LRRTM4: variants seen among roughly 807,000 people sequenced by gnomAD.
The protein encoded by LRRTM4 is leucine-rich repeat transmembrane neuronal protein 4.
In LRRTM4, 25 loss-of-function variants were observed where a neutral mutation model predicts 47.6. The observed-to-expected ratio is 0.53, with a 90% CI of 0.38 to 0.73. The LOEUF is 0.73. Ranked by LOEUF, LRRTM4 falls within the 30% of genes least tolerant of loss-of-function variation. The pLI is 0.00. For synonymous variants in LRRTM4, 311 were observed against 269.5 expected (o/e 1.15, Z -1.51); for missense variants, 638 against 713.4 (o/e 0.89, Z 1.20).
chr2:76,796,808 G>C (rs1675353732), intron 3 of LRRTM4, among the ~76,000 whole-genome samples: 1 of 151,980 alleles, frequency 6.6e-6, no homozygotes, highest in Admixed American at 6.5e-5. Context: ...GAATGACTTT[G>C]ACAAGCTGAG....
intron 3 of LRRTM4, among the ~76,000 whole-genome samples, chr2:77,502,340 A>G (rs1478185231): frequency 6.6e-6 from 1 of 151,428 alleles, no homozygotes; most frequent in Non-Finnish European, 1.5e-5. Flanking sequence ...TAAACATGTA[A>G]TAAAATGGCA....
At position 76,955,339 on chromosome 2, in the gene LRRTM4, G is replaced by C. The variant is rs188121881; in HGVS notation, c.1552-206423C>G. Among the ~76,000 whole-genome samples the C allele has an allele frequency of 2.2e-3, 333 of 151,840 alleles. 7 individuals carry two copies. The highest frequency in any genetic ancestry group is 7.8e-3 in the African/African-American group (323 of 41,506). On this transcript the variant is annotated intron_variant, in intron 3 of 3. Transcript: ENST00000409884. ...ACATCAATGTAAAAAAGTCCGTTGG[G>C]AGAAAAAAAGTGTAGTGTTTTTGTA...
chr2:77,131,002 T>G lies in LRRTM4; in HGVS notation c.1552-382086A>C, dbSNP rs1305590445. Among the ~76,000 whole-genome samples the G allele has an allele frequency of 2.1e-3, 303 of 145,918 alleles. 3 individuals are homozygous for G. Among genetic ancestry groups the G allele is most frequent in the African/African-American group, 7.4e-3 (291 of 39,420 alleles). On this transcript the variant is annotated intron_variant, in intron 3 of 3. Transcript: ENST00000409884. ...GGCGCCCGCCACTACGCCCGGCTAA[T>G]TTTTTGTATTTTTAGTAGAGACGGG...
intron 3 of LRRTM4, among the ~76,000 whole-genome samples, chr2:76,971,700 A>G (rs1172759599): frequency 6.6e-6 from 1 of 152,058 alleles, no homozygotes; most frequent in African/African-American, 2.4e-5. Flanking sequence ...ATTTAACTGT[A>G]TTAATTGTAT....
intron 3 of LRRTM4, among the ~76,000 whole-genome samples, chr2:76,861,643 C>T (rs1672316137): frequency 6.6e-6 from 1 of 152,160 alleles, no homozygotes; most frequent in Non-Finnish European, 1.5e-5. Flanking sequence ...TGATAGAATA[C>T]TCACTTGCTG....
chr2:76,848,736 GAAA>G (rs568145920), intron 3 of LRRTM4, among the ~76,000 whole-genome samples: 1 of 151,602 alleles, frequency 6.6e-6, no homozygotes, highest in Non-Finnish European at 1.5e-5. Context: ...TACAGAAAAA[GAAA>G]AAAAAGTTTC....
chr2:76,820,507 G>T (rs1425242940), intron 3 of LRRTM4, among the ~76,000 whole-genome samples: 2 of 151,676 alleles, frequency 1.3e-5, no homozygotes, highest in African/African-American at 4.8e-5. Context: ...TTTCCTTTTG[G>T]TCATAATTTC....
At chr2:76,884,200 AT>A (rs552859368) in intron 3 of LRRTM4, among the ~76,000 whole-genome samples, 208 of 152,266 alleles carry the variant, frequency 1.4e-3, no homozygotes, top group African/African-American at 4.8e-3. Context: ...TTCTCATTGA[AT>A]TTTCACAAAA....
chr2:76,780,246 T>A (rs991630580), intron 3 of LRRTM4, among the ~76,000 whole-genome samples: 7 of 152,190 alleles, frequency 4.6e-5, no homozygotes, highest in African/African-American at 9.7e-5. Flanking sequence ...GTCTTGGAGT[T>A]GCTCTTCTCG....
chr2:76,825,927 G>T (rs1220408177), intron 3 of LRRTM4, among the ~76,000 whole-genome samples: 1 of 151,698 alleles, frequency 6.6e-6, no homozygotes, highest in Non-Finnish European at 1.5e-5. Flanking sequence ...TTTTACAAAA[G>T]ACGTATTTAA....
chr2:76,968,894 T>C (rs962607411), intron 3 of LRRTM4, among the ~76,000 whole-genome samples: 8 of 151,802 alleles, frequency 5.3e-5, no homozygotes, highest in Admixed American at 5.3e-4. Flanking sequence ...TTGTTGTCAA[T>C]GTATTAAATA....
At chr2:77,240,217 A>C (rs750247731) in intron 3 of LRRTM4, among the ~76,000 whole-genome samples, 1 of 151,946 alleles carries the variant, frequency 6.6e-6, no homozygotes, top group African/African-American at 2.4e-5. Flanking sequence ...GGGAAATTAG[A>C]AAATATTTGT....
At chr2:76,893,094 A>C (rs1288080233) in intron 3 of LRRTM4, among the ~76,000 whole-genome samples, 1 of 151,506 alleles carries the variant, frequency 6.6e-6, no homozygotes, top group Non-Finnish European at 1.5e-5. Flanking sequence ...GTTAAAGGAA[A>C]CCTGACCACG....
At chr2:77,239,023 A>T (rs527702968) in intron 3 of LRRTM4, among the ~76,000 whole-genome samples, 41 of 151,984 alleles carry the variant, frequency 2.7e-4, no homozygotes, top group Non-Finnish European at 5.3e-4. Flanking sequence ...AAAAAAATTT[A>T]AAAAATACTA....
intron 3 of LRRTM4, among the ~76,000 whole-genome samples, chr2:77,466,651 G>T (rs1239980934): frequency 6.6e-6 from 1 of 150,470 alleles, no homozygotes; most frequent in Non-Finnish European, 1.5e-5. Flanking sequence ...GAAAGAATCT[G>T]TCTCCAATAA....
chr2:77,426,734 C>T (rs1675118914), intron 3 of LRRTM4, among the ~76,000 whole-genome samples: 1 of 152,058 alleles, frequency 6.6e-6, no homozygotes, highest in Non-Finnish European at 1.5e-5. Flanking sequence ...TCTGCATGCT[C>T]TCTGTCTCTC....
chr2:77,338,932 A>C (rs552762409), intron 3 of LRRTM4, among the ~76,000 whole-genome samples: 5 of 152,104 alleles, frequency 3.3e-5, no homozygotes, highest in Middle Eastern at 6.8e-3. Flanking sequence ...AAAAAGAACA[A>C]AATTATGTCC....
chr2:76,764,490 G>C (rs573547094), intron 3 of LRRTM4, among the ~76,000 whole-genome samples: 1 of 152,210 alleles, frequency 6.6e-6, no homozygotes, highest in Non-Finnish European at 1.5e-5. Flanking sequence ...AATTAGCTGG[G>C]CGTGGTGGCG....
intron 3 of LRRTM4, among the ~76,000 whole-genome samples, chr2:77,180,385 G>C (rs796455271): frequency 3.9e-5 from 6 of 152,054 alleles, no homozygotes; most frequent in African/African-American, 1.4e-4. Context: ...TCTATATTTT[G>C]TATACTTTAA....
Sources: gnomAD v4.1 joint callset for allele counts (sites outside exome capture counted in the v4.1 genomes callset) on GRCh38, gnomAD v4.1.1 for gene constraint, MANE v1.5 for transcripts, NCBI Gene and HGNC (gene_info 2026-07-23, HGNC 2026-07-21) for gene names.